ERICH6: variants seen among roughly 807,000 people sequenced by gnomAD.
ERICH6 encodes the protein glutamate-rich protein 6.
In ERICH6, 71 loss-of-function variants were observed where a neutral mutation model predicts 71.0. That is an observed-to-expected ratio of 1.00 (90% CI 0.83 to 1.22). The LOEUF is 1.22. Among genes scored for constraint, ERICH6 ranks in the 50% most tolerant of loss-of-function variants. ERICH6 has a pLI of 0.00. For missense variants in ERICH6, 808 were observed against 797.2 expected (o/e 1.01, Z -0.16); for synonymous variants, 262 against 278.4 (o/e 0.94, Z 0.59).
At chr3:150,660,336 T>C (rs967590672) in intron 13 of ERICH6, among the ~76,000 whole-genome samples, 181 bp from the exon 14 acceptor site, 2 of 152,164 alleles carry the variant, frequency 1.3e-5, no homozygotes, top group African/African-American at 2.4e-5. Context: ...GCTGAAACAC[T>C]GTGGAGACTT....
intron 3 of ERICH6, among the ~76,000 whole-genome samples, chr3:150,696,833 A>G (rs1026164708): frequency 1.3e-5 from 2 of 152,166 alleles, no homozygotes; most frequent in African/African-American, 4.8e-5. Context: ...CTTTTGATGG[A>G]CGCATACTTT....
At chr3:150,678,288 C>T (rs1226014090) in intron 10 of ERICH6, 121 bp downstream of exon 10, 2 of 927,944 alleles carry the variant, frequency 2.2e-6, no homozygotes, top group Non-Finnish European at 3.1e-6. Context: ...CAAGTCTGTA[C>T]CAATTCTTTT....
intron 3 of ERICH6, among the ~76,000 whole-genome samples, chr3:150,696,653 C>T (rs1168805673): frequency 4.6e-5 from 7 of 151,964 alleles, no homozygotes; most frequent in Admixed American, 2.6e-4. Flanking sequence ...AGAAGATAAT[C>T]GAGTGACCAA....
intron 13 of ERICH6, among the ~76,000 whole-genome samples, chr3:150,660,968 C>G (rs1433215936): frequency 2.6e-5 from 4 of 152,148 alleles, no homozygotes; most frequent in African/African-American, 4.8e-5. Flanking sequence ...GGACAAATAA[C>G]AAAGAATAGT....
At chr3:150,700,070 C>A (rs569951073) in intron 2 of ERICH6, among the ~76,000 whole-genome samples, 1 of 148,668 alleles carries the variant, frequency 6.7e-6, no homozygotes, top group Non-Finnish European at 1.5e-5. Flanking sequence ...GTCTTCAGAT[C>A]TCTGAGGGAA....
rs540709078 is a variant in ERICH6, at chr3:150,663,555, C to T, written c.1728+3232G>A. ...TGCAGCCTTGAACCCCCTGCCCCCA[C>T]CCCGCCAATGGTGGGCTCAAGTTAT... is the stretch of plus-strand genomic sequence containing the variant. On this transcript the variant is annotated intron_variant, in intron 13 of 13. Coordinates refer to ENST00000295910, the MANE Select transcript of ERICH6 (RefSeq NM_152394.5). Among the ~76,000 whole-genome samples the T allele has an allele frequency of 1.6e-3, 238 of 151,398 alleles. 2 individuals are homozygous for T. The highest frequency in any genetic ancestry group is 5.7e-3 in the African/African-American group (234 of 41,190).
At chr3:150,685,463 C>A (rs1712140537) in intron 6 of ERICH6, among the ~76,000 whole-genome samples, 1 of 152,142 alleles carries the variant, frequency 6.6e-6, no homozygotes, top group Non-Finnish European at 1.5e-5. Context: ...GGATTTTCCC[C>A]TATATGTTGG....
chr3:150,696,292 A>G (rs1185602295), intron 3 of ERICH6, among the ~76,000 whole-genome samples: 1 of 152,200 alleles, frequency 6.6e-6, no homozygotes, highest in African/African-American at 2.4e-5. Context: ...TCACAAAAAT[A>G]AAGTCCATAT....
intron 3 of ERICH6, among the ~76,000 whole-genome samples, chr3:150,689,535 C>A (rs539666537): frequency 3.9e-5 from 6 of 152,176 alleles, no homozygotes; most frequent in African/African-American, 1.2e-4. Flanking sequence ...TTAAAAGAAG[C>A]TCAATGGTTA....
chr3:150,696,962 C>T (rs962452139), intron 3 of ERICH6, among the ~76,000 whole-genome samples: 7 of 152,134 alleles, frequency 4.6e-5, no homozygotes, highest in Non-Finnish European at 1.0e-4. Context: ...AGGCGGCTTA[C>T]TGTAACACTG....
chr3:150,678,333 T>TGGCTA, intron 10 of ERICH6, 76 bp downstream of exon 10: 1 of 1,396,248 alleles, frequency 7.2e-7, no homozygotes, highest in Non-Finnish European at 9.6e-7. Flanking sequence ...TAGCCAAGCT[T>TGGCTA]CATGAAAGAC....
At chr3:150,665,326 C>T (rs1183757788) in intron 13 of ERICH6, among the ~76,000 whole-genome samples, 1 of 151,996 alleles carries the variant, frequency 6.6e-6, no homozygotes, top group Non-Finnish European at 1.5e-5. Flanking sequence ...GTTGAAGGCA[C>T]TTTTGAAGTT....
intron 11 of ERICH6, among the ~76,000 whole-genome samples, chr3:150,673,551 T>C (rs1711542308): frequency 1.3e-5 from 2 of 152,116 alleles, no homozygotes; most frequent in African/African-American, 4.8e-5. Context: ...TATTTTTCAA[T>C]TACACTGGAT....
At chr3:150,675,858 C>CT (rs75713453) in intron 10 of ERICH6, among the ~76,000 whole-genome samples, 18,849 of 130,752 alleles carry the variant, frequency 0.14, 1,778 homozygotes, top group East Asian at 0.51. Flanking sequence ...TCTTTCTTTC[C>CT]TTTTTTTTTT....
At chr3:150,681,907 C>T (rs574455567) in intron 7 of ERICH6, among the ~76,000 whole-genome samples, 67 of 149,898 alleles carry the variant, frequency 4.5e-4, no homozygotes, top group South Asian at 1.3e-3. Context: ...CTCCGTCTCC[C>T]GGGTTCAAGC....
intron 11 of ERICH6, among the ~76,000 whole-genome samples, chr3:150,673,614 G>C (rs933027641): frequency 6.6e-6 from 1 of 151,662 alleles, no homozygotes; most frequent in Non-Finnish European, 1.5e-5. Context: ...TCTGAGACAC[G>C]GTCCCACTTC....
chr3:150,694,139 T>A (rs548954496), intron 3 of ERICH6, among the ~76,000 whole-genome samples: 41 of 152,284 alleles, frequency 2.7e-4, no homozygotes, highest in African/African-American at 9.9e-4. Context: ...TCATAGGACA[T>A]GAGACTTCAC....
Position 150,680,944 on chromosome 3 carries a change from A to T in ERICH6, c.883-14T>A. Reference sequence around the variant, plus strand: ...ACAACAGGAGGCCTGGAAAACACAGAAGTTACTCTCATCTCATTAGTCCTA... The same window carrying T: ...ACAACAGGAGGCCTGGAAAACACAGTAGTTACTCTCATCTCATTAGTCCTA... On this transcript the variant is annotated splice_polypyrimidine_tract_variant and intron_variant, in intron 7 of 13. Coordinates refer to ENST00000295910, the MANE Select transcript of ERICH6 (RefSeq NM_152394.5). 6.2e-7 allele frequency: 1 copy of T among 1,600,154 alleles called. No individual in the cohort carries two copies. The highest frequency in any genetic ancestry group is 8.5e-7 in the Non-Finnish European group (1 of 1,174,286).
chr3:150,700,168 A>C (rs1484327349), intron 2 of ERICH6, among the ~76,000 whole-genome samples: 2 of 151,394 alleles, frequency 1.3e-5, no homozygotes, highest in Non-Finnish European at 2.9e-5. Flanking sequence ...ACTTCCTCCA[A>C]GGTTCACACC....
Sources: gnomAD v4.1 joint callset for allele counts (sites outside exome capture counted in the v4.1 genomes callset) on GRCh38, gnomAD v4.1.1 for gene constraint, MANE v1.5 for transcripts, NCBI Gene and HGNC (gene_info 2026-07-23, HGNC 2026-07-21) for gene names.